The following ADAM9 variants were observed in gnomAD, a reference collection of about 807,000 sequenced individuals.
ADAM9 encodes disintegrin and metalloproteinase domain-containing protein 9.
In ADAM9, 54 loss-of-function variants were observed where a neutral mutation model predicts 108.1. The ratio of observed to expected loss-of-function variants is 0.50; its 90% confidence interval spans 0.40 to 0.63. The LOEUF (loss-of-function observed/expected upper bound fraction) is 0.63. ADAM9 is among the 20% of genes least tolerant of loss of function. The pLI is 0.00. For synonymous variants in ADAM9, 316 were observed against 336.0 expected (o/e 0.94, Z 0.65); for missense variants, 830 against 997.7 (o/e 0.83, Z 2.26).
chr8:39,017,129 AT>A, intron 5 of ADAM9, 89 bp from the exon 6 acceptor site: 2 of 1,362,610 alleles, frequency 1.5e-6, no homozygotes, highest in Non-Finnish European at 2.1e-6. Flanking sequence ...CTACTTACAC[AT>A]TTAAGAATTA....
In ADAM9 at chr8:39,045,412, G is replaced by GTACACACACCTATATGTA. The variant is rs1564301601; in HGVS notation, c.1302+3295_1302+3296insTACACACACCTATATGTA. Among the ~76,000 whole-genome samples, 3 of 40,134 alleles carry GTACACACACCTATATGTA rather than the reference G, an allele frequency of 7.5e-5. 1 individual carries two copies. The highest frequency in any genetic ancestry group is 2.5e-4 in the African/African-American group (3 of 12,130). 26.3% of individuals were successfully genotyped at this position (40,134 alleles called of 152,430 possible). A position where few individuals can be genotyped will look rare whatever the true frequency, so the allele number is the denominator to read the frequency against. ...TGTGTGTACACACACCTATATGTGC[G>GTACACACACCTATATGTA]CGTGTGTACACACACCTATATGTGC... On this transcript the variant is annotated intron_variant, in intron 12 of 21. Coordinates refer to ENST00000487273, the MANE Select transcript of ADAM9 (RefSeq NM_003816.3).
chr8:39,011,169 C>T (rs535675898), intron 2 of ADAM9, among the ~76,000 whole-genome samples: 1 of 151,002 alleles, frequency 6.6e-6, no homozygotes, highest in East Asian at 2.0e-4. Context: ...ATCCTCATTT[C>T]AAGGACGTTA....
intron 11 of ADAM9, among the ~76,000 whole-genome samples, chr8:39,037,348 C>T (rs1837316188): frequency 1.4e-5 from 2 of 140,900 alleles, no homozygotes; most frequent in Non-Finnish European, 3.1e-5. Context: ...CACGCCCGGC[C>T]TGCCTGCGCA....
At chr8:39,010,936 T>C (rs28690874) in intron 2 of ADAM9, among the ~76,000 whole-genome samples, 64,467 of 151,538 alleles carry the variant, frequency 0.43, 14,527 homozygotes, top group East Asian at 0.73. Flanking sequence ...CTACTAAAAA[T>C]GCAAAAATTA....
intron 1 of ADAM9, among the ~76,000 whole-genome samples, chr8:39,001,671 GT>G (rs1020330184): frequency 6.2e-4 from 90 of 144,584 alleles, no homozygotes; most frequent in Admixed American, 6.2e-4. Context: ...TTTGAAGGTA[GT>G]TTTTTTTTTT....
At chr8:39,045,177 TATGTGTATAC>T (rs1837642815) in intron 12 of ADAM9, among the ~76,000 whole-genome samples, 3 of 111,342 alleles carry the variant, frequency 2.7e-5, no homozygotes, top group African/African-American at 8.9e-5. Context: ...TATGTGTATA[TATGTGTATAC>T]ATACATATAT....
chr8:39,057,311 G>C (rs1838155700), intron 14 of ADAM9, among the ~76,000 whole-genome samples: 1 of 149,882 alleles, frequency 6.7e-6, no homozygotes. Flanking sequence ...ATATAATCTG[G>C]AGGAATTATT....
In ADAM9 at chr8:39,104,695, AAT is replaced by A. The variant is rs1243132671; in HGVS notation, c.*998_*999del. 1 of 453,846 alleles carries A rather than the reference AAT, an allele frequency of 2.2e-6. No individual in the cohort carries two copies. The highest frequency in any genetic ancestry group is 1.6e-5 in the South Asian group (1 of 64,436). The allele number at this position is 453,846 out of a possible 1,614,324, so 28.1% of individuals were successfully genotyped here. Reference sequence around the variant, plus strand: ...TGGGTCATGTAAAATATTAGACACTAATATTTTCATAGAAATTAGGCTGGAGA... The same window carrying A: ...TGGGTCATGTAAAATATTAGACACTAATTTTCATAGAAATTAGGCTGGAGA... On this transcript the variant is annotated 3_prime_UTR_variant, in exon 22 of 22. Transcript: ENST00000487273.
In ADAM9 at chr8:39,072,884, G is replaced by A. The variant is rs143661128; in HGVS notation, c.1697+1481G>A. 2.8e-4 allele frequency among the ~76,000 whole-genome samples: 42 copies of A among 152,100 alleles called. 1 individual carries two copies. Among genetic ancestry groups the A allele is most frequent in the African/African-American group, 9.6e-4 (40 of 41,496 alleles). ...TACACTGATTTTTTTCCTTTGACTC[G>A]TGTTATTGAAAGCCTATTGCTTAAT... On this transcript the variant is annotated intron_variant, in intron 15 of 21. Transcript: ENST00000487273.
At chr8:39,091,016 T>A (rs1839336789) in intron 19 of ADAM9, among the ~76,000 whole-genome samples, 1 of 152,246 alleles carries the variant, frequency 6.6e-6, no homozygotes, top group Admixed American at 6.5e-5. Context: ...TGACCAAATT[T>A]CACAATTTCT....
intron 14 of ADAM9, among the ~76,000 whole-genome samples, chr8:39,060,394 C>T (rs1461974126): frequency 6.6e-6 from 1 of 152,148 alleles, no homozygotes; most frequent in East Asian, 1.9e-4. Flanking sequence ...TTGTTCTGGG[C>T]CCAGCTCAAA....
At chr8:39,036,765 A>T (rs150652903) in intron 11 of ADAM9, among the ~76,000 whole-genome samples, 1 of 152,208 alleles carries the variant, frequency 6.6e-6, no homozygotes, top group East Asian at 1.9e-4. Flanking sequence ...CTGAAGGCCA[A>T]CACAGGGGAT....
intron 11 of ADAM9, 70 bp downstream of exon 11, chr8:39,026,880 A>T (rs1836941348): frequency 1.3e-6 from 2 of 1,580,078 alleles, no homozygotes; most frequent in African/African-American, 2.7e-5. Flanking sequence ...TGTGAGGGAT[A>T]TTCATGTCTA....
At chr8:39,010,201 A>G (rs937672521) in intron 2 of ADAM9, among the ~76,000 whole-genome samples, 1 of 152,208 alleles carries the variant, frequency 6.6e-6, no homozygotes, top group Non-Finnish European at 1.5e-5. Flanking sequence ...AACTATCACA[A>G]AACAATCTTC....
At chr8:39,054,707 G>T in intron 13 of ADAM9, 134 bp downstream of exon 13, 1 of 688,254 alleles carries the variant, frequency 1.5e-6, no homozygotes, top group African/African-American at 1.8e-5. Context: ...AAAATTTTAT[G>T]CCACTTGTGT....
intron 1 of ADAM9, 41 bp from the exon 2 acceptor site, chr8:39,007,845 T>A (rs752832780): frequency 1.4e-6 from 2 of 1,410,902 alleles, no homozygotes; most frequent in Non-Finnish European, 2.0e-6. Context: ...CACGTAGTTT[T>A]TCAGTTTCAC....
intron 7 of ADAM9, among the ~76,000 whole-genome samples, chr8:39,021,396 G>C (rs1836734274): frequency 6.6e-6 from 1 of 152,064 alleles, no homozygotes; most frequent in Non-Finnish European, 1.5e-5. Flanking sequence ...CGATTCTCCT[G>C]CCTCAGTCTC....
intron 6 of ADAM9, among the ~76,000 whole-genome samples, 175 bp downstream of exon 6, chr8:39,017,589 C>T (rs115416198): frequency 6.6e-6 from 1 of 151,808 alleles, no homozygotes; most frequent in Non-Finnish European, 1.5e-5. Context: ...ATATATAGTT[C>T]CTGCTACCAA....
Position 39,083,003 on chromosome 8 carries a change from T to A in ADAM9, c.1998T>A (p.Asn666Lys). 6.2e-7 allele frequency: 1 copy of A among 1,613,914 alleles called. No individual in the cohort carries two copies. The highest frequency in any genetic ancestry group is 8.5e-7 in the Non-Finnish European group (1 of 1,179,834). Residue 666 changes from asparagine (N) to lysine (K), a missense_variant, in exon 18 of 22, where the codon AAT becomes AAA. This residue lies in a region of ADAM9 where 238 missense variants were observed against 235.7 expected (regional missense o/e 1.01). Coordinates refer to ENST00000487273, the MANE Select transcript of ADAM9 (RefSeq NM_003816.3). ...GCAATAAGAATTGTCACTGTGAAAA[T>A]GGCTGGGCTCCCCCAAATTGTGAGA... ...CNSNKNCHCENGWAPPNCETK... is the reference protein window; with the variant it reads ...CNSNKNCHCEKGWAPPNCETK...
Sources: gnomAD v4.1 joint callset for allele counts (sites outside exome capture counted in the v4.1 genomes callset) on GRCh38, gnomAD v4.1.1 for gene constraint, gnomAD v4.1.1 regional missense constraint, MANE v1.5 for transcripts, NCBI Gene and HGNC (gene_info 2026-07-23, HGNC 2026-07-21) for gene names.